Variants in INTS14 observed in about 807,000 individuals in gnomAD.
INTS14 encodes UPF0464 protein C15orf44.
INTS14 carries 27 observed loss-of-function variants against 56.9 expected under a neutral mutation model. That is an observed-to-expected ratio of 0.47 (90% CI 0.35 to 0.65). The LOEUF (loss-of-function observed/expected upper bound fraction) is 0.65, where lower values mean the gene tolerates loss of function less well. INTS14 is among the 30% of genes least tolerant of loss of function. The probability of loss-of-function intolerance (pLI) is 0.00; values close to 1 mark genes in which losing one functional copy is unlikely to be tolerated. For missense variants in INTS14, 517 were observed against 632.2 expected (o/e 0.82, Z 1.95); for synonymous variants, 207 against 236.2 (o/e 0.88, Z 1.13).
At chr15:65,610,228 C>T (rs941836142) in intron 1 of INTS14, among the ~76,000 whole-genome samples, 3 of 152,240 alleles carry the variant, frequency 2.0e-5, no homozygotes, top group South Asian at 2.1e-4. Flanking sequence ...GATGTGGTGG[C>T]GTGCGCCTGT....
chr15:65,579,786 GTTTA>G, intron 11 of INTS14, 127 bp from the exon 12 acceptor site: 2 of 1,343,252 alleles, frequency 1.5e-6, no homozygotes, highest in South Asian at 1.5e-5. Context: ...GAGAACAAAT[GTTTA>G]TTTAGGGATG....
chr15:65,580,238 G>T (rs570152645), intron 11 of INTS14, among the ~76,000 whole-genome samples: 2 of 152,248 alleles, frequency 1.3e-5, no homozygotes, highest in South Asian at 2.1e-4. Flanking sequence ...GGTCTCAAAG[G>T]CCTCATTTAT....
chr15:65,593,201 T>G (rs944552850), intron 8 of INTS14, among the ~76,000 whole-genome samples: 1 of 151,322 alleles, frequency 6.6e-6, no homozygotes, highest in African/African-American at 2.4e-5. Flanking sequence ...AGGCTGAAGC[T>G]GCAGTGAGCC....
At position 65,593,553 on chromosome 15, in the gene INTS14, A is replaced by C. The variant is rs764411466; in HGVS notation, c.861T>G (p.Thr287=). 6.2e-7 allele frequency: 1 copy of C among 1,612,782 alleles called. No homozygotes were observed. The highest frequency in any genetic ancestry group is 1.7e-5 in the Admixed American group (1 of 59,672). ...ALNKEGDEVG[T]GITDDNEDEN... ...CATCTTCATTGTCATCAGTGATGCC[A>C]GTACCCACCTCATCACCTTCTGTGA... Residue 287 remains threonine (T), a synonymous_variant, in exon 8 of 12, where the codon ACT becomes ACG. Transcript: ENST00000313182.
At chr15:65,600,628 C>T (rs759407539) in intron 3 of INTS14, among the ~76,000 whole-genome samples, 36 of 146,530 alleles carry the variant, frequency 2.5e-4, no homozygotes, top group Non-Finnish European at 4.7e-4. Context: ...TTTGGAAAAA[C>T]AAAATAAACC....
At chr15:65,605,008 A>G (rs1025046316) in intron 3 of INTS14, 121 bp downstream of exon 3, 3 of 737,844 alleles carry the variant, frequency 4.1e-6, no homozygotes, top group African/African-American at 1.8e-5. Context: ...GAAGATACCA[A>G]TAGTGTAAAA....
chr15:65,583,374 ATAC>A (rs965672474), intron 10 of INTS14, among the ~76,000 whole-genome samples: 3 of 152,262 alleles, frequency 2.0e-5, no homozygotes, highest in Admixed American at 1.3e-4. Context: ...GTACTGATAC[ATAC>A]TACAACATGA....
Position 65,607,365 on chromosome 15 carries a change from C to CCACCA in INTS14, c.11_15dup (p.Val6TrpfsTer3). On this transcript the variant is annotated frameshift_variant, in exon 2 of 12. Transcript: ENST00000313182. LOFTEE classifies it high-confidence loss of function. ...GTCATGGAAAGGGATACATCCATTACCACCACTGTCGGCATGATGAAAATG... is the reference window on the plus strand; with the variant it reads ...GTCATGGAAAGGGATACATCCATTACCACCACACCACTGTCGGCATGATGAAAATG... 6.2e-7 allele frequency: 1 copy of CCACCA among 1,614,202 alleles called. No individual in the cohort carries two copies. The highest frequency in any genetic ancestry group is 8.5e-7 in the Non-Finnish European group (1 of 1,180,034).
intron 7 of INTS14, among the ~76,000 whole-genome samples, chr15:65,594,410 T>G (rs919363489): frequency 2.0e-5 from 3 of 148,056 alleles, no homozygotes; most frequent in African/African-American, 4.9e-5. Context: ...TTTTTTTTTT[T>G]GAGATGGAGT....
At chr15:65,607,008 G>T in intron 2 of INTS14, 151 bp downstream of exon 2, 1 of 940,878 alleles carries the variant, frequency 1.1e-6, no homozygotes, top group Non-Finnish European at 1.6e-6. Context: ...AGACCTACTG[G>T]TTGTGAATTC....
intron 9 of INTS14, among the ~76,000 whole-genome samples, 173 bp downstream of exon 9, chr15:65,591,425 G>C (rs1804630574): frequency 6.6e-6 from 1 of 152,090 alleles, no homozygotes; most frequent in East Asian, 1.9e-4. Context: ...TAAAATTTAG[G>C]AGTTCAAACA....
chr15:65,600,144 A>C (rs117372815), intron 3 of INTS14, among the ~76,000 whole-genome samples: 3 of 151,690 alleles, frequency 2.0e-5, no homozygotes, highest in Non-Finnish European at 2.9e-5. Context: ...ATCTCTAAAA[A>C]AACTTAGAAA....
chr15:65,598,636 G>C (rs781380840), intron 5 of INTS14, 173 bp from the exon 6 acceptor site: 2 of 801,186 alleles, frequency 2.5e-6, no homozygotes, highest in Non-Finnish European at 3.8e-6. Flanking sequence ...ATTCTGAAAA[G>C]CCCAAGAGCA....
At chr15:65,594,746 T>G (rs534340462) in intron 7 of INTS14, among the ~76,000 whole-genome samples, 1 of 152,130 alleles carries the variant, frequency 6.6e-6, no homozygotes, top group East Asian at 1.9e-4. Context: ...TATAAATGGT[T>G]TATTTTGCTT....
At chr15:65,587,069 A>G (rs2072851665) in intron 9 of INTS14, 1 of 152,256 alleles carries the variant, frequency 6.6e-6, no homozygotes, top group Non-Finnish European at 1.5e-5. Context: ...GAGACAACAG[A>G]GTAATGCTTC....
intron 6 of INTS14, among the ~76,000 whole-genome samples, chr15:65,597,331 A>G (rs2073249126): frequency 6.6e-6 from 1 of 152,232 alleles, no homozygotes; most frequent in Admixed American, 6.5e-5. Context: ...CCTATTGGGC[A>G]CCTACTAAGT....
At position 65,581,947 on chromosome 15, in the gene INTS14, G is replaced by A; in HGVS notation, c.1305+7C>T. 1 of 1,611,940 alleles carries A rather than the reference G, an allele frequency of 6.2e-7. No homozygotes were observed. Among genetic ancestry groups the A allele is most frequent in the South Asian group, 1.1e-5 (1 of 90,740 alleles). The stretch of plus-strand genomic sequence containing the variant: ...ATTTTGGGCACATCCTCTTCTGTCT[G>A]TCTCACCTTATAGAATGTCTGTGTT... On this transcript the variant is annotated splice_region_variant and intron_variant, in intron 11 of 11. Coordinates refer to ENST00000313182, the MANE Select transcript of INTS14 (RefSeq NM_001394796.1).
intron 9 of INTS14, chr15:65,586,750 T>C (rs1365153414): frequency 6.6e-6 from 1 of 151,876 alleles, no homozygotes; most frequent in African/African-American, 2.4e-5. Context: ...AATGGGAAAA[T>C]GGGCAGAAAG....
At chr15:65,584,716 C>A in intron 10 of INTS14, 54 bp downstream of exon 10, 1 of 1,446,620 alleles carries the variant, frequency 6.9e-7, no homozygotes, top group Non-Finnish European at 9.5e-7. Context: ...TGCCTGCCTG[C>A]CTACCCAAAT....
Sources: gnomAD v4.1 joint callset for allele counts (sites outside exome capture counted in the v4.1 genomes callset) on GRCh38, gnomAD v4.1.1 for gene constraint, MANE v1.5 for transcripts, NCBI Gene and HGNC (gene_info 2026-07-23, HGNC 2026-07-21) for gene names.